Variants in HOXA10 observed in about 807,000 individuals in gnomAD.
The protein encoded by HOXA10 is homeobox protein Hox-A10.
HOXA10 carries 12 observed loss-of-function variants against 29.7 expected under a neutral mutation model. The ratio of observed to expected loss-of-function variants is 0.40; its 90% CI spans 0.26 to 0.65. The LOEUF (loss-of-function observed/expected upper bound fraction) is 0.65, where lower values mean the gene tolerates loss of function less well. Ranked by LOEUF, HOXA10 falls within the 30% of genes least tolerant of loss-of-function variation. HOXA10 has a pLI of 0.37. For synonymous variants in HOXA10, 327 were observed against 280.7 expected, an observed-to-expected ratio of 1.16 and a Z score of -1.65; for missense variants, 656 against 585.9, an observed-to-expected ratio of 1.12 and a Z score of -1.24.
At chr7:27,176,163 G>C (rs1783652069), upstream of HOXA10, among the ~76,000 whole-genome samples, 2 of 152,166 alleles carry the variant, frequency 1.3e-5, no homozygotes, top group Admixed American at 6.5e-5. Context: ...AAGGAGAGAC[G>C]GACAGAGGGA....
chr7:27,174,433 T>C (rs1005070430), upstream of HOXA10: 5 of 1,471,876 alleles, frequency 3.4e-6, no homozygotes, highest in Non-Finnish European at 4.5e-6. Flanking sequence ...GCGGGGCCGC[T>C]CTCCGAGGGC....
At position 27,171,866 on chromosome 7, in the gene HOXA10, G is replaced by A. The variant is rs754550354; in HGVS notation, c.*33C>T. 19 of 1,612,796 alleles carry A rather than the reference G, an allele frequency of 1.2e-5. No individual in the cohort carries two copies. Among genetic ancestry groups the A allele is most frequent in the Non-Finnish European group, 1.4e-5 (17 of 1,178,938 alleles). Reference sequence around the variant, plus strand: ...GACAGAGGGAGGGGACCAGCGCTCGGGAAGTGAAAAAACCGCGTCGCCTGG... The same window carrying A: ...GACAGAGGGAGGGGACCAGCGCTCGAGAAGTGAAAAAACCGCGTCGCCTGG... On this transcript the variant is annotated 3_prime_UTR_variant, in exon 2 of 2. Coordinates refer to ENST00000283921, the MANE Select transcript of HOXA10 (RefSeq NM_018951.4).
chr7:27,174,309 CT>C lies in HOXA10; in HGVS notation c.-4del. On this transcript the variant is annotated 5_prime_UTR_variant, in exon 1 of 2. Coordinates refer to ENST00000283921, the MANE Select transcript of HOXA10 (RefSeq NM_018951.4). ...AGATAGCCCTTTCTGGCTGACATTT[CT>C]TGTGCAAAACATGCTGAATACGATT... The C allele has an allele frequency of 1.3e-6, 2 of 1,598,002 alleles. No homozygotes were observed. The highest frequency in any genetic ancestry group is 1.7e-6 in the Non-Finnish European group (2 of 1,179,728).
upstream of HOXA10, among the ~76,000 whole-genome samples, chr7:27,175,925 A>C (rs190727294): frequency 2.0e-5 from 3 of 152,334 alleles, no homozygotes; most frequent in African/African-American, 7.2e-5. Flanking sequence ...GAGGACCCTG[A>C]AAGCGCAGAG....
At chr7:27,175,854 C>G (rs759803234), upstream of HOXA10, among the ~76,000 whole-genome samples, 2 of 152,244 alleles carry the variant, frequency 1.3e-5, no homozygotes, top group African/African-American at 4.8e-5. Flanking sequence ...CCGGGTCATA[C>G]GCGGCACTTT....
At position 27,173,688 on chromosome 7, in the gene HOXA10, C is replaced by G. The variant is rs367645722; in HGVS notation, c.619G>C (p.Gly207Arg). The change falls in exon 1 of 2, where the codon GGG (glycine) becomes CGG (arginine). Residue 207 changes from glycine (G) to arginine (R), a missense_variant. By Grantham distance (125) the Gly-to-Arg change is moderately radical. Around this residue, in one of 2 missense-constraint regions of HOXA10, gnomAD observed 594 missense variants for 491.9 expected, o/e 1.21. Coordinates refer to ENST00000283921, the MANE Select transcript of HOXA10 (RefSeq NM_018951.4). ...CGGAAGTAGCCAGGCACTGGCACCC[C>G]GCTGGAGGTGCCCAGGGCGCAGCCG... ...PDGCALGTSSGVPVPGYFRLS... is the reference protein window; with the variant it reads ...PDGCALGTSSRVPVPGYFRLS... The G allele has an allele frequency of 1.3e-6, 2 of 1,561,374 alleles. No homozygotes were observed. The highest frequency in any genetic ancestry group is 1.7e-6 in the Non-Finnish European group (2 of 1,153,548).
rs1329331174 is a variant in HOXA10 at position 27,171,059 on chromosome 7, T to C, written c.*840A>G. On this transcript the variant is annotated 3_prime_UTR_variant, in exon 2 of 2. Coordinates refer to ENST00000283921, the MANE Select transcript of HOXA10 (RefSeq NM_018951.4). ...TGTCACATGTTACCAGTGGTAACAA[T>C]TTTAATGACAAAAAAATCCACTAAT... 4.4e-6 allele frequency: 2 copies of C among 450,032 alleles called. No homozygotes were observed. Among genetic ancestry groups the C allele is most frequent in the Admixed American group, 2.4e-5 (1 of 41,690 alleles). The allele number at this position is 450,032 out of a possible 1,614,324, so 27.9% of individuals were successfully genotyped here.
rs766809355 is a variant in HOXA10 at position 27,174,229 on chromosome 7, C to T, written c.78G>A (p.Ala26=). 1.2e-6 allele frequency: 2 copies of T among 1,600,264 alleles called. No individual in the cohort carries two copies. The highest frequency in any genetic ancestry group is 2.2e-5 in the East Asian group (1 of 44,864). ...TGAGCGAGTCGACCAAAAAAGAGTT[C>T]GCGGCGGGGCTCTCCGAGCATGACA... ...TTMSCSESPA[A]NSFLVDSLIS... Residue 26 remains alanine (A), a synonymous_variant, in exon 1 of 2, where the codon GCG becomes GCA. Transcript: ENST00000283921.
In HOXA10 at chr7:27,170,825, T is replaced by C. The variant is rs1783456243; in HGVS notation, c.*1074A>G. Reference sequence around the variant, plus strand: ...TGTATTTATAGTTTTTTTCTTTTTCTGCATCTACAGGTTTGACCCTTTTAT... The same window carrying C: ...TGTATTTATAGTTTTTTTCTTTTTCCGCATCTACAGGTTTGACCCTTTTAT... On this transcript the variant is annotated 3_prime_UTR_variant, in exon 2 of 2. Coordinates refer to ENST00000283921, the MANE Select transcript of HOXA10 (RefSeq NM_018951.4). 2.2e-6 allele frequency: 1 copy of C among 453,300 alleles called. No individual in the cohort carries two copies. Among genetic ancestry groups the C allele is most frequent in the African/African-American group, 2.0e-5 (1 of 49,914 alleles). 28.1% of individuals were successfully genotyped at this position (453,300 alleles called of 1,614,324 possible).
intron 1 of HOXA10, chr7:27,179,530 T>G: frequency 4.2e-6 from 3 of 707,622 alleles, no homozygotes; most frequent in Non-Finnish European, 2.6e-6. Context: ...GGGTGGGGGC[T>G]CCCTACCGCG....
chr7:27,177,597 A>T (rs988425774), upstream of HOXA10, among the ~76,000 whole-genome samples: 4 of 152,202 alleles, frequency 2.6e-5, no homozygotes, highest in African/African-American at 9.6e-5. Context: ...TGCTCTCTAG[A>T]CTTTAACACT....
chr7:27,171,928 C>T lies in HOXA10; in HGVS notation c.1204G>A (p.Glu402Lys), dbSNP rs746255813. The part of the protein sequence containing the change: ...KKMNRENRIR[E>K]LTANFNFS ...GAAAAATTAAAGTTGGCTGTGAGCT[C>T]CCGGATCCGGTTTTCTCGATTCATT... is the stretch of plus-strand genomic sequence containing the variant. Residue 402 changes from glutamate to lysine, a missense_variant, in exon 2 of 2, where the codon GAG becomes AAG. By Grantham distance (56) the Glu-to-Lys change is moderately conservative (BLOSUM62 1). Transcript: ENST00000283921. 3 of 1,614,186 alleles carry T rather than the reference C, an allele frequency of 1.9e-6. No homozygotes were observed. Among genetic ancestry groups the T allele is most frequent in the Non-Finnish European group, 1.7e-6 (2 of 1,180,034 alleles).
upstream of HOXA10, among the ~76,000 whole-genome samples, chr7:27,177,285 C>G (rs1253249318): frequency 6.6e-6 from 1 of 152,226 alleles, no homozygotes; most frequent in African/African-American, 2.4e-5. Flanking sequence ...ACTTTTTCCC[C>G]CTTGTAATAA....
At chr7:27,175,922 C>T (rs1783648285), upstream of HOXA10, among the ~76,000 whole-genome samples, 1 of 152,246 alleles carries the variant, frequency 6.6e-6, no homozygotes, top group Admixed American at 6.5e-5. Flanking sequence ...TGAGAGGACC[C>T]TGAAAGCGCA....
chr7:27,177,450 C>T (rs950381089), upstream of HOXA10, among the ~76,000 whole-genome samples: 2 of 152,066 alleles, frequency 1.3e-5, no homozygotes, highest in Non-Finnish European at 2.9e-5. Flanking sequence ...GTGAGCTGGC[C>T]GGCTGCAGGC....
At chr7:27,179,626 C>T (rs1783718085) in intron 1 of HOXA10, 2 of 777,854 alleles carry the variant, frequency 2.6e-6, no homozygotes, top group Non-Finnish European at 4.8e-6. Context: ...ACTGAAATTG[C>T]TAAACTTGTG....
In HOXA10 at chr7:27,173,744, A is replaced by T; in HGVS notation, c.563T>A (p.Leu188Gln). 1 of 1,600,262 alleles carries T rather than the reference A, an allele frequency of 6.2e-7. No individual in the cohort carries two copies. The highest frequency in any genetic ancestry group is 1.1e-5 in the South Asian group (1 of 89,080). The change falls in exon 1 of 2, where the codon CTG becomes CAG. Residue 188 changes from leucine (L) to glutamine (Q), a missense_variant. Leu to Gln is a moderately radical substitution (Grantham distance 113). Around this residue, in one of 2 missense-constraint regions of HOXA10, gnomAD observed 594 missense variants for 491.9 expected, o/e 1.21. Transcript: ENST00000283921. Reference protein sequence around the residue: ...CPKVSATAAELAPFPRGPPPD... With the variant: ...CPKVSATAAEQAPFPRGPPPD... ...CGGCGGGCCCCGCGGGAAGGGAGCC[A>T]GTTCGGCGGCGGTGGCCGAGACTTT... is the stretch of plus-strand genomic sequence containing the variant.
upstream of HOXA10, among the ~76,000 whole-genome samples, chr7:27,176,550 A>G (rs1287925115): frequency 6.6e-6 from 1 of 152,216 alleles, no homozygotes; most frequent in Non-Finnish European, 1.5e-5. Flanking sequence ...CTAGGAAGGA[A>G]GCTTTGCTCT....
rs533994608 is a variant in HOXA10, at chr7:27,171,403, G to T, written c.*496C>A. 4.6e-5 allele frequency: 21 copies of T among 455,098 alleles called. No individual in the cohort carries two copies. The highest frequency in any genetic ancestry group is 1.4e-4 in the Admixed American group (6 of 42,594). 28.2% of individuals were successfully genotyped at this position (455,098 alleles called of 1,614,324 possible). ...GAAGAAAGAAAAAAGAAACCCAGGGGCCTGTATCCCCTGATTAAACACAGC... is the reference window on the plus strand; with the variant it reads ...GAAGAAAGAAAAAAGAAACCCAGGGTCCTGTATCCCCTGATTAAACACAGC... On this transcript the variant is annotated 3_prime_UTR_variant, in exon 2 of 2. Coordinates refer to ENST00000283921, the MANE Select transcript of HOXA10 (RefSeq NM_018951.4).
Sources: gnomAD v4.1 joint callset for allele counts (sites outside exome capture counted in the v4.1 genomes callset) on GRCh38, gnomAD v4.1.1 for gene constraint, gnomAD v4.1.1 regional missense constraint, MANE v1.5 for transcripts, NCBI Gene and HGNC (gene_info 2026-07-23, HGNC 2026-07-21) for gene names.